Variants in KLHL41 observed in about 807,000 individuals in gnomAD.
KLHL41 encodes the protein kelch like family member 41.
A neutral mutation model predicts 49.2 loss-of-function variants in KLHL41; 31 were observed. The observed-to-expected ratio is 0.63, with a 90% CI of 0.47 to 0.85. The LOEUF (loss-of-function observed/expected upper bound fraction) is 0.85, where lower values mean the gene tolerates loss of function less well. Among genes scored for constraint, KLHL41 ranks in the 40% least tolerant of loss-of-function variants. The probability of loss-of-function intolerance (pLI) is 0.00; values close to 1 mark genes in which losing one functional copy is unlikely to be tolerated. For missense variants in KLHL41, 663 were observed against 726.7 expected (o/e 0.91, Z 1.01); for synonymous variants, 218 against 258.5 (o/e 0.84, Z 1.50).
intron 5 of KLHL41, among the ~76,000 whole-genome samples, chr2:169,521,436 C>T (rs1684203436): frequency 6.6e-6 from 1 of 152,144 alleles, no homozygotes; most frequent in Non-Finnish European, 1.5e-5. Flanking sequence ...TTCTGTCACC[C>T]AGGCTGGAGT....
At position 169,514,856 on chromosome 2, in the gene KLHL41, CT is replaced by C. The variant is rs1459553493; in HGVS notation, c.1272del (p.Ala425GlnfsTer6). ...LDSVLCYDPV[A>X]AKWNEVKKLP... ...AATTCTGTCTCGTTTAATTTTAGGG[CT>C]GCAAAATGGAACGAAGTAAAAAAAC... On this transcript the variant is annotated frameshift_variant, in exon 3 of 6. Transcript: ENST00000284669. LOFTEE classifies it high-confidence loss of function. 3 of 1,601,338 alleles carry C rather than the reference CT, an allele frequency of 1.9e-6. No homozygotes were observed. The highest frequency in any genetic ancestry group is 1.7e-6 in the Non-Finnish European group (2 of 1,176,418).
At position 169,514,692 on chromosome 2, in the gene KLHL41, C is replaced by T; in HGVS notation, c.1229C>T (p.Thr410Ile). Residue 410 changes from threonine to isoleucine, a missense_variant, in exon 2 of 6, where the codon ACA becomes ATA. Physicochemically the swap from Thr to Ile is moderately conservative, Grantham distance 89 (BLOSUM62 -1). Transcript: ENST00000284669. ...GTAGTTGCAGGCAAAGACCTTCAAACAGAGGCTTCGCTGGATTCAGTATTA... is the reference window on the plus strand; with the variant it reads ...GTAGTTGCAGGCAAAGACCTTCAAATAGAGGCTTCGCTGGATTCAGTATTA... The part of the protein sequence containing the change: ...IYVVAGKDLQ[T>I]EASLDSVLCY... The T allele has an allele frequency of 6.2e-7, 1 of 1,614,056 alleles. No individual in the cohort carries two copies.
intron 4 of KLHL41, among the ~76,000 whole-genome samples, chr2:169,520,280 G>GTA: frequency 1.8e-5 from 1 of 54,640 alleles, no homozygotes; most frequent in Non-Finnish European, 3.8e-5. Flanking sequence ...GCCTCAGTGT[G>GTA]TGTGTGTGTG....
intron 3 of KLHL41, among the ~76,000 whole-genome samples, chr2:169,517,547 T>C (rs1336205209): frequency 6.6e-6 from 1 of 152,204 alleles, no homozygotes; most frequent in African/African-American, 2.4e-5. Context: ...GAGGTTGCGG[T>C]GAGCCAAGAT....
At chr2:169,521,073 T>A in intron 5 of KLHL41, 66 bp downstream of exon 5, 1 of 1,478,630 alleles carries the variant, frequency 6.8e-7, no homozygotes. Context: ...AACTATTTTG[T>A]AGTAAACAAT....
chr2:169,517,947 G>A (rs1170673930), intron 3 of KLHL41, among the ~76,000 whole-genome samples: 1 of 152,188 alleles, frequency 6.6e-6, no homozygotes, highest in East Asian at 1.9e-4. Context: ...AATCAGCTGT[G>A]CCTGGGGTTC....
chr2:169,510,597 T>C lies in KLHL41; in HGVS notation c.819T>C (p.Thr273=). Residue 273 remains threonine (T), a synonymous_variant, in exon 1 of 6, where the codon ACT becomes ACC. Transcript: ENST00000284669. This position sits in a 1 kb window ranked among gnomAD's most constrained non-coding sequence, Gnocchi z 4.2. ...AACCTAGCAAAAATGCCGCGAAGAC[T>C]GGGGCTGGTGAGGTGAATGGTGATG... ...LPEPSKNAAK[T]GAGEVNGDVG... is the part of the protein sequence containing the mutation. 1 of 1,614,122 alleles carries C rather than the reference T, an allele frequency of 6.2e-7. No homozygotes were observed. The highest frequency in any genetic ancestry group is 8.5e-7 in the Non-Finnish European group (1 of 1,180,022).
intron 3 of KLHL41, 50 bp from the exon 4 acceptor site, chr2:169,518,140 G>A (rs755289061): frequency 6.7e-6 from 9 of 1,336,390 alleles, no homozygotes; most frequent in Non-Finnish European, 9.4e-6. Context: ...ATTAGTGAAG[G>A]TGCTGTCAAA....
intron 1 of KLHL41, among the ~76,000 whole-genome samples, chr2:169,511,483 T>G (rs1553530870): frequency 2.0e-5 from 3 of 152,218 alleles, no homozygotes; most frequent in Non-Finnish European, 4.4e-5. Context: ...CTTTTTTAAT[T>G]TCTTTTTCTT....
At chr2:169,519,145 T>C (rs984569471) in intron 4 of KLHL41, among the ~76,000 whole-genome samples, 2 of 152,224 alleles carry the variant, frequency 1.3e-5, no homozygotes, top group Admixed American at 6.5e-5. Flanking sequence ...TATAATTTTA[T>C]TAAAAATTTC....
At chr2:169,518,079 T>C (rs1684142013) in intron 3 of KLHL41, 111 bp from the exon 4 acceptor site, 1 of 717,158 alleles carries the variant, frequency 1.4e-6, no homozygotes, top group African/African-American at 1.8e-5. Context: ...AAGAATTCTT[T>C]GGAGTTTTCT....
Position 169,510,313 on chromosome 2 carries a change from C to A in KLHL41, c.535C>A (p.Leu179Met). 1 of 1,614,046 alleles carries A rather than the reference C, an allele frequency of 6.2e-7. No individual in the cohort carries two copies. The highest frequency in any genetic ancestry group is 8.5e-7 in the Non-Finnish European group (1 of 1,179,990). ...EDFMQLSPQE[L>M]ISVISNDSLN... is the part of the protein sequence containing the mutation. The stretch of plus-strand genomic sequence containing the variant: ...CTTTATGCAACTGTCTCCACAGGAA[C>A]TGATCTCAGTCATTTCAAATGACAG... The change falls in exon 1 of 6, where the codon CTG becomes ATG. Residue 179 changes from leucine to methionine, a missense_variant. Leu to Met is a conservative substitution (Grantham distance 15). Coordinates refer to ENST00000284669, the MANE Select transcript of KLHL41 (RefSeq NM_006063.3). The surrounding 1 kb of genome is among the most constrained non-coding windows in gnomAD (Gnocchi z 4.2).
At position 169,514,610 on chromosome 2, in the gene KLHL41, C is replaced by T. The variant is rs760973350; in HGVS notation, c.1147C>T (p.Pro383Ser). Residue 383 changes from proline (P) to serine (S), a missense_variant, in exon 2 of 6, where the codon CCT (proline) becomes TCT (serine). By Grantham distance (74) the Pro-to-Ser change is moderately conservative. Around this residue, in one of 3 missense-constraint regions of KLHL41, gnomAD observed 528 missense variants for 581.0 expected, o/e 0.91. Transcript: ENST00000284669. ...AGCATCTGAATGGGTTGGACTTCCA[C>T]CTCTGCCTTCAGCCAGGTGTCTCTT... ...SIASEWVGLP[P>S]LPSARCLFGL... 3.1e-6 allele frequency: 5 copies of T among 1,613,922 alleles called. No homozygotes were observed. The highest frequency in any genetic ancestry group is 2.2e-5 in the East Asian group (1 of 44,874).
intron 1 of KLHL41, among the ~76,000 whole-genome samples, chr2:169,513,257 T>C (rs1246471118): frequency 1.3e-5 from 2 of 152,220 alleles, no homozygotes; most frequent in Non-Finnish European, 2.9e-5. Context: ...GGGAAAATTA[T>C]TTAATCTTCC....
chr2:169,519,753 C>T (rs1171626654), intron 4 of KLHL41, among the ~76,000 whole-genome samples: 3 of 148,234 alleles, frequency 2.0e-5, no homozygotes, highest in South Asian at 2.1e-4. Flanking sequence ...AGAAAAAAAT[C>T]GGCTAATTTT....
At position 169,510,187 on chromosome 2, in the gene KLHL41, G is replaced by T; in HGVS notation, c.409G>T (p.Ala137Ser). The T allele has an allele frequency of 6.2e-7, 1 of 1,614,030 alleles. No homozygotes were observed. The highest frequency in any genetic ancestry group is 1.1e-5 in the South Asian group (1 of 91,082). The part of the protein sequence containing the change: ...QKRLAPGNCL[A>S]ILRLGLLLDC... Reference sequence around the variant, plus strand: ...AAGACTTGCTCCTGGTAACTGTCTAGCCATCCTAAGATTAGGACTTCTTCT... The same window carrying T: ...AAGACTTGCTCCTGGTAACTGTCTATCCATCCTAAGATTAGGACTTCTTCT... Residue 137 changes from alanine to serine, a missense_variant, in exon 1 of 6, where the codon GCC becomes TCC. This residue lies in a region of KLHL41 where 528 missense variants were observed against 581.0 expected (regional missense o/e 0.91). Transcript: ENST00000284669. This position sits in a 1 kb window ranked among gnomAD's most constrained non-coding sequence, Gnocchi z 4.2.
At chr2:169,524,479 C>G (rs948492220) in intron 5 of KLHL41, among the ~76,000 whole-genome samples, 7 of 143,702 alleles carry the variant, frequency 4.9e-5, no homozygotes, top group Admixed American at 7.4e-5. Context: ...CTCACTGCAA[C>G]CTCCGCCTCC....
chr2:169,510,595 A>G lies in KLHL41; in HGVS notation c.817A>G (p.Thr273Ala). 6.2e-7 allele frequency: 1 copy of G among 1,614,184 alleles called. No individual in the cohort carries two copies. Among genetic ancestry groups the G allele is most frequent in the Non-Finnish European group, 8.5e-7 (1 of 1,180,036 alleles). Reference sequence around the variant, plus strand: ...AGAACCTAGCAAAAATGCCGCGAAGACTGGGGCTGGTGAGGTGAATGGTGA... The same window carrying G: ...AGAACCTAGCAAAAATGCCGCGAAGGCTGGGGCTGGTGAGGTGAATGGTGA... ...LPEPSKNAAKTGAGEVNGDVG... is the reference protein window; with the variant it reads ...LPEPSKNAAKAGAGEVNGDVG... Residue 273 changes from threonine (T) to alanine (A), a missense_variant, in exon 1 of 6, where the codon ACT (threonine) becomes GCT (alanine). Thr to Ala is a moderately conservative substitution (Grantham distance 58, BLOSUM62 0). Coordinates refer to ENST00000284669, the MANE Select transcript of KLHL41 (RefSeq NM_006063.3). This position sits in a 1 kb window ranked among gnomAD's most constrained non-coding sequence, Gnocchi z 4.2.
chr2:169,512,085 A>G (rs980903019), intron 1 of KLHL41, among the ~76,000 whole-genome samples: 3 of 152,250 alleles, frequency 2.0e-5, no homozygotes, highest in African/African-American at 4.8e-5. Context: ...CAGTCACAGT[A>G]TGCTCTCAAA....
Sources: gnomAD v4.1 joint callset for allele counts (sites outside exome capture counted in the v4.1 genomes callset) on GRCh38, gnomAD v4.1.1 for gene constraint, gnomAD v4.1.1 regional missense constraint, Gnocchi (gnomAD v3.1) non-coding constraint, MANE v1.5 for transcripts, NCBI Gene and HGNC (gene_info 2026-07-23, HGNC 2026-07-21) for gene names.